Variants in TRPC4AP observed in about 807,000 individuals in gnomAD.
TRPC4AP encodes the protein transient receptor potential cation channel subfamily C member 4 associated protein.
TRPC4AP carries 45 observed loss-of-function variants against 99.0 expected under a neutral mutation model. The observed-to-expected ratio is 0.45, with a 90% CI of 0.36 to 0.58. The LOEUF (loss-of-function observed/expected upper bound fraction) is 0.58. Ranked by LOEUF, TRPC4AP falls within the 20% of genes least tolerant of loss-of-function variation. The pLI is 0.00. For synonymous variants in TRPC4AP, 408 were observed against 385.8 expected (o/e 1.06, Z -0.67); for missense variants, 879 against 985.3 (o/e 0.89, Z 1.44).
chr20:35,084,343 A>G (rs1476245904), intron 1 of TRPC4AP, among the ~76,000 whole-genome samples: 4 of 151,988 alleles, frequency 2.6e-5, no homozygotes, highest in Non-Finnish European at 4.4e-5. Flanking sequence ...ACCATGCGAT[A>G]CACCAATGTA....
At chr20:35,051,717 A>G (rs1311772740) in intron 5 of TRPC4AP, among the ~76,000 whole-genome samples, 1 of 152,184 alleles carries the variant, frequency 6.6e-6, no homozygotes, top group Non-Finnish European at 1.5e-5. Flanking sequence ...CTGACAAGCA[A>G]AAGTTCTGGA....
intron 1 of TRPC4AP, among the ~76,000 whole-genome samples, chr20:35,087,434 C>A (rs943329347): frequency 1.3e-5 from 2 of 151,842 alleles, no homozygotes; most frequent in South Asian, 4.1e-4. Flanking sequence ...AAGGAAGCAA[C>A]GACTGCCATG....
At chr20:35,060,799 T>C (rs542287760) in intron 3 of TRPC4AP, among the ~76,000 whole-genome samples, 17 of 151,986 alleles carry the variant, frequency 1.1e-4, no homozygotes, top group Non-Finnish European at 2.2e-4. Context: ...CAAAACACTT[T>C]CATGATAAAA....
intron 13 of TRPC4AP, 142 bp from the exon 14 acceptor site, chr20:35,007,782 T>C: frequency 2.4e-6 from 2 of 843,602 alleles, no homozygotes; most frequent in Non-Finnish European, 3.8e-6. Context: ...GGCTTCATCC[T>C]GGGCCTGGGG....
chr20:35,040,906 G>GTT (rs2083432408), intron 7 of TRPC4AP, among the ~76,000 whole-genome samples: 1 of 152,190 alleles, frequency 6.6e-6, no homozygotes, highest in African/African-American at 2.4e-5. Context: ...AAGTAATTAA[G>GTT]GTTAAATGAG....
intron 7 of TRPC4AP, among the ~76,000 whole-genome samples, chr20:35,036,804 G>T (rs1357864729): frequency 3.3e-5 from 5 of 152,106 alleles, no homozygotes; most frequent in African/African-American, 4.8e-5. Flanking sequence ...AAATTAGCCA[G>T]GCGTGGTATC....
At chr20:35,046,875 ATT>A (rs561842976) in intron 6 of TRPC4AP, among the ~76,000 whole-genome samples, 2 of 147,876 alleles carry the variant, frequency 1.4e-5, no homozygotes, top group African/African-American at 5.0e-5. Context: ...AAATTTTAAG[ATT>A]TTTTTTTTTA....
intron 12 of TRPC4AP, among the ~76,000 whole-genome samples, chr20:35,009,394 C>T (rs73269566): frequency 0.044 from 6,705 of 152,246 alleles, 487 homozygotes; most frequent in African/African-American, 0.15. Flanking sequence ...GTGGTTCACA[C>T]CTGTAATCCC....
intron 3 of TRPC4AP, among the ~76,000 whole-genome samples, chr20:35,067,503 C>T (rs1291225356): frequency 6.6e-6 from 1 of 152,170 alleles, no homozygotes; most frequent in Non-Finnish European, 1.5e-5. Context: ...GACCCAGCAA[C>T]TGTATTCCTA....
chr20:35,072,473 A>G (rs1024610598), intron 2 of TRPC4AP, among the ~76,000 whole-genome samples: 1 of 152,160 alleles, frequency 6.6e-6, no homozygotes, highest in African/African-American at 2.4e-5. Flanking sequence ...GTGTAAGGAA[A>G]GGATCCAGTT....
At position 35,069,337 on chromosome 20, in the gene TRPC4AP, A is replaced by T. The variant is rs765996161; in HGVS notation, c.373T>A (p.Tyr125Asn). 6.2e-7 allele frequency: 1 copy of T among 1,612,036 alleles called. No individual in the cohort carries two copies. Among genetic ancestry groups the T allele is most frequent in the East Asian group, 2.2e-5 (1 of 44,822 alleles). The change falls in exon 3 of 19, where the codon TAT (tyrosine) becomes AAT (asparagine). Residue 125 changes from tyrosine to asparagine, a missense_variant. Transcript: ENST00000252015. ...EERKLTQETT[Y>N]PNTYIFDLFG... ...AAGTCAAAAATGTAAGTATTTGGATAAGTGGTTTCTTGGGTAAGTTTCCTC... is the reference window on the plus strand; with the variant it reads ...AAGTCAAAAATGTAAGTATTTGGATTAGTGGTTTCTTGGGTAAGTTTCCTC...
intron 8 of TRPC4AP, among the ~76,000 whole-genome samples, chr20:35,032,323 C>T (rs2083215994): frequency 6.6e-6 from 1 of 152,016 alleles, no homozygotes; most frequent in South Asian, 2.1e-4. Flanking sequence ...CCACACCTGG[C>T]CTGATTATTA....
intron 1 of TRPC4AP, among the ~76,000 whole-genome samples, chr20:35,091,452 TA>T (rs2085064255): frequency 6.6e-6 from 1 of 152,174 alleles, no homozygotes; most frequent in Non-Finnish European, 1.5e-5. Context: ...ATATTCAAAT[TA>T]AATTTAAATA....
At chr20:35,071,274 A>T (rs952860614) in intron 2 of TRPC4AP, among the ~76,000 whole-genome samples, 3 of 151,760 alleles carry the variant, frequency 2.0e-5, no homozygotes, top group Non-Finnish European at 4.4e-5. Flanking sequence ...TTATTTATTT[A>T]TTTTTGCTGT....
chr20:35,032,413 G>A (rs73273826), intron 8 of TRPC4AP, among the ~76,000 whole-genome samples: 6,624 of 150,226 alleles, frequency 0.044, 483 homozygotes, highest in African/African-American at 0.15. Context: ...TCTATTTAAC[G>A]ACACATTATC....
chr20:35,025,909 T>A (rs988700736), intron 8 of TRPC4AP, among the ~76,000 whole-genome samples: 4 of 152,224 alleles, frequency 2.6e-5, no homozygotes, highest in Non-Finnish European at 4.4e-5. Context: ...TTCACAGGTT[T>A]AGCTCTTACA....
chr20:35,040,343 G>T (rs2083418589), intron 7 of TRPC4AP, among the ~76,000 whole-genome samples: 1 of 152,140 alleles, frequency 6.6e-6, no homozygotes, highest in Admixed American at 6.5e-5. Context: ...TCCAATTGGT[G>T]GGGGAGCAGT....
At chr20:35,067,789 A>G (rs2084182135) in intron 3 of TRPC4AP, among the ~76,000 whole-genome samples, 1 of 152,190 alleles carries the variant, frequency 6.6e-6, no homozygotes, top group African/African-American at 2.4e-5. Context: ...ATTTATACAA[A>G]ACGTCCACGA....
chr20:35,042,014 C>T (rs2083455562), intron 7 of TRPC4AP, among the ~76,000 whole-genome samples: 1 of 152,170 alleles, frequency 6.6e-6, no homozygotes, highest in East Asian at 1.9e-4. Context: ...ATGAAAGTCA[C>T]TTTTTTTAAA....
Sources: allele counts gnomAD v4.1 joint callset (sites outside exome capture counted in the v4.1 genomes callset), GRCh38; gene constraint gnomAD v4.1.1; transcripts MANE v1.5; gene names NCBI Gene and HGNC (gene_info 2026-07-23, HGNC 2026-07-21).